CLPP: variants seen among roughly 807,000 people sequenced by gnomAD.
CLPP encodes the protein ATP-dependent Clp protease proteolytic subunit, mitochondrial.
Under a neutral mutation model 27.4 loss-of-function variants are expected in CLPP, and 14 were observed. That is an observed-to-expected ratio of 0.51 (90% confidence interval 0.34 to 0.80). The LOEUF (loss-of-function observed/expected upper bound fraction) is 0.80, where lower values mean the gene tolerates loss of function less well. Among genes scored for constraint, CLPP ranks in the 30% least tolerant of loss-of-function variants. The pLI is 0.02. For missense variants in CLPP, 361 were observed against 403.6 expected, an observed-to-expected ratio of 0.89 and a Z score of 0.90; for synonymous variants, 193 against 166.6, an observed-to-expected ratio of 1.16 and a Z score of -1.22.
rs552880716 is a variant in CLPP at position 6,369,795 on chromosome 19, C to CA, written c.*1097dup. On this transcript the variant is annotated 3_prime_UTR_variant, in exon 6 of 6. Coordinates refer to ENST00000245816, the MANE Select transcript of CLPP (RefSeq NM_006012.4). ...GGGCAACAAAGCGAGATTCTGTCTC[C>CA]AAAAAAAAAAAAGTGGAGGTGATTG... 0.046 allele frequency among the ~76,000 whole-genome samples: 6,170 copies of CA among 134,778 alleles called. 140 individuals are homozygous for CA. The highest frequency in any genetic ancestry group is 0.068 in the Non-Finnish European group (4,230 of 61,866). 88.4% of individuals were successfully genotyped at this position (134,778 alleles called of 152,430 possible). A position where few individuals can be genotyped will look rare whatever the true frequency, so the allele number is the denominator to read the frequency against.
At chr19:6,366,450 C>A in intron 5 of CLPP, 87 bp downstream of exon 5, 4 of 1,021,082 alleles carry the variant, frequency 3.9e-6, no homozygotes, top group South Asian at 1.4e-5. Flanking sequence ...CTGGCCCCTG[C>A]GGACTTTCAG....
rs2091851877 is a variant in CLPP at position 6,364,481 on chromosome 19, T to C, written c.397T>C (p.Tyr133His). ...TGTGGTGACCGCGGGCCTGGCCATCTACGACACGATGCAGTACATCCTCAA... is the reference window on the plus strand; with the variant it reads ...TGTGGTGACCGCGGGCCTGGCCATCCACGACACGATGCAGTACATCCTCAA... ...GGVVTAGLAI[Y>H]DTMQYILNPI... Residue 133 changes from tyrosine (Y) to histidine (H), a missense_variant, in exon 4 of 6, where the codon TAC (tyrosine) becomes CAC (histidine). Around this residue, in one of 2 missense-constraint regions of CLPP, gnomAD observed 213 missense variants for 280.9 expected, o/e 0.76. Coordinates refer to ENST00000245816, the MANE Select transcript of CLPP (RefSeq NM_006012.4). 3.1e-6 allele frequency: 5 copies of C among 1,610,776 alleles called. No individual in the cohort carries two copies. Among genetic ancestry groups the C allele is most frequent in the Non-Finnish European group, 4.2e-6 (5 of 1,179,434 alleles).
intron 5 of CLPP, among the ~76,000 whole-genome samples, chr19:6,367,158 C>T (rs867292920): frequency 2.0e-5 from 3 of 151,848 alleles, no homozygotes; most frequent in South Asian, 2.1e-4. Flanking sequence ...GGGCGGATCA[C>T]GAGGTCAGGA....
Position 6,368,797 on chromosome 19 carries a change from G to A in CLPP, c.*87G>A, listed in dbSNP as rs996923467. On this transcript the variant is annotated 3_prime_UTR_variant, in exon 6 of 6. Coordinates refer to ENST00000245816, the MANE Select transcript of CLPP (RefSeq NM_006012.4). ...GGCCCTGCTCACCCCTTGTTGCTGG[G>A]CTTGGAGGGGCCTCTTGAGGAACTT... is the stretch of plus-strand genomic sequence containing the variant. The A allele has an allele frequency of 5.5e-5, 71 of 1,281,648 alleles. No individual in the cohort carries two copies. The highest frequency in any genetic ancestry group is 7.0e-5 in the Non-Finnish European group (66 of 940,668). The allele number at this position is 1,281,648 out of a possible 1,614,324, so 79.4% of individuals were successfully genotyped here.
rs117433016 is a variant in CLPP at position 6,368,910 on chromosome 19, G to A, written c.*200G>A. The stretch of plus-strand genomic sequence containing the variant: ...TAAATCTTTGTGGTCTTTGCTCTGC[G>A]TCTGGGACACCCTCCCTTCTGCACC... On this transcript the variant is annotated 3_prime_UTR_variant, in exon 6 of 6. Transcript: ENST00000245816. 90 of 592,036 alleles carry A rather than the reference G, an allele frequency of 1.5e-4. 1 individual carries two copies. Among genetic ancestry groups the A allele is most frequent in the East Asian group, 4.0e-4 (14 of 35,356 alleles). 36.7% of individuals were successfully genotyped at this position (592,036 alleles called of 1,614,324 possible). A position where few individuals can be genotyped will look rare whatever the true frequency, so the allele number is the denominator to read the frequency against.
At position 6,369,431 on chromosome 19, in the gene CLPP, A is replaced by G. The variant is rs1332667403; in HGVS notation, c.*721A>G. ...CTCTGTCTCAAAAAAAAAAAAAAACAAAAACAGGAAAGGTGGCATGCAAGT... is the reference window on the plus strand; with the variant it reads ...CTCTGTCTCAAAAAAAAAAAAAAACGAAAACAGGAAAGGTGGCATGCAAGT... On this transcript the variant is annotated 3_prime_UTR_variant, in exon 6 of 6. Coordinates refer to ENST00000245816, the MANE Select transcript of CLPP (RefSeq NM_006012.4). Among the ~76,000 whole-genome samples the G allele has an allele frequency of 3.4e-5, 5 of 149,054 alleles. No individual in the cohort carries two copies. The highest frequency in any genetic ancestry group is 5.0e-5 in the African/African-American group (2 of 39,688).
chr19:6,366,233 CCTCA>C (rs749673900), intron 4 of CLPP, 21 bp from the exon 5 acceptor site: 1 of 1,544,306 alleles, frequency 6.5e-7, no homozygotes, highest in South Asian at 1.1e-5. Flanking sequence ...ACCTTTACCC[CCTCA>C]CTCCCTTGGA....
Position 6,362,402 on chromosome 19 carries a change from C to A in CLPP, c.271-44C>A, listed in dbSNP as rs770720902. On this transcript the variant is annotated intron_variant, in intron 2 of 5. Transcript: ENST00000245816. Reference sequence around the variant, plus strand: ...TCCCCAGCCTCCCTTAAAACTCTCTCCCCACCCCGAATCTGGGGACACCCC... The same window carrying A: ...TCCCCAGCCTCCCTTAAAACTCTCTACCCACCCCGAATCTGGGGACACCCC... 1.3e-5 allele frequency: 19 copies of A among 1,413,354 alleles called. No homozygotes were observed. The East Asian group carries it at 4.3e-4, about 32-fold the overall frequency. The allele number at this position is 1,413,354 out of a possible 1,614,324, so 87.6% of individuals were successfully genotyped here.
chr19:6,369,271 A>ATGGC lies in CLPP; in HGVS notation c.*562_*563insGGCT, dbSNP rs2091876694. On this transcript the variant is annotated 3_prime_UTR_variant, in exon 6 of 6. Coordinates refer to ENST00000245816, the MANE Select transcript of CLPP (RefSeq NM_006012.4). ...CCCCATTTCTACTAAAAATACAAAA[A>ATGGC]TTAGCCGAGCGTGGTGCACCTGTAA... 6.6e-6 allele frequency among the ~76,000 whole-genome samples: 1 copy of ATGGC among 152,092 alleles called. No individual in the cohort carries two copies. The highest frequency in any genetic ancestry group is 6.6e-5 in the Admixed American group (1 of 15,246).
At position 6,368,876 on chromosome 19, in the gene CLPP, AT is replaced by A. The variant is rs1599197930; in HGVS notation, c.*170del. 1.6e-6 allele frequency: 1 copy of A among 624,690 alleles called. No homozygotes were observed. 38.7% of individuals were successfully genotyped at this position (624,690 alleles called of 1,614,324 possible). A position where few individuals can be genotyped will look rare whatever the true frequency, so the allele number is the denominator to read the frequency against. On this transcript the variant is annotated 3_prime_UTR_variant, in exon 6 of 6. Transcript: ENST00000245816. Reference sequence around the variant, plus strand: ...GGGGCATTCCAGCTGAGACACTGTGATTTTAAATTAAATCTTTGTGGTCTTT... The same window carrying A: ...GGGGCATTCCAGCTGAGACACTGTGATTTAAATTAAATCTTTGTGGTCTTT...
In CLPP at chr19:6,364,594, C is replaced by T. The variant is rs749641599; in HGVS notation, c.510C>T (p.Leu170=). ...GCACCCCAGGCATGCGCCACTCGCTCCCCAACTCCCGTATCATGATCCACC... is the reference window on the plus strand; with the variant it reads ...GCACCCCAGGCATGCGCCACTCGCTTCCCAACTCCCGTATCATGATCCACC... ...AAGTPGMRHS[L]PNSRIMIHQP... The change falls in exon 4 of 6, where the codon CTC becomes CTT. Residue 170 remains leucine (L), a synonymous_variant. Transcript: ENST00000245816. 2 of 1,612,612 alleles carry T rather than the reference C, an allele frequency of 1.2e-6. No homozygotes were observed. Among genetic ancestry groups the T allele is most frequent in the Non-Finnish European group, 1.7e-6 (2 of 1,179,864 alleles).
intron 4 of CLPP, 48 bp downstream of exon 4, chr19:6,364,687 A>G (rs1030974997): frequency 1.3e-6 from 2 of 1,539,510 alleles, no homozygotes; most frequent in Non-Finnish European, 1.8e-6. Flanking sequence ...GACAGGGTCT[A>G]GACAGAAGGA....
At chr19:6,366,970 G>A (rs1295681334) in intron 5 of CLPP, among the ~76,000 whole-genome samples, 1 of 151,888 alleles carries the variant, frequency 6.6e-6, no homozygotes, top group Non-Finnish European at 1.5e-5. Flanking sequence ...CAGGTGTGGT[G>A]GCTCACACCT....
At chr19:6,363,852 G>A (rs1253531907) in intron 3 of CLPP, among the ~76,000 whole-genome samples, 2 of 149,866 alleles carry the variant, frequency 1.3e-5, no homozygotes, top group African/African-American at 4.9e-5. Context: ...CTGAGATCGC[G>A]CTACTGCACT....
At position 6,364,502 on chromosome 19, in the gene CLPP, C is replaced by T; in HGVS notation, c.418C>T (p.Leu140Phe). The change falls in exon 4 of 6, where the codon CTC (leucine) becomes TTC (phenylalanine). Residue 140 changes from leucine (L) to phenylalanine (F), a missense_variant. Transcript: ENST00000245816. Reference protein sequence around the residue: ...LAIYDTMQYILNPICTWCVGQ... With the variant: ...LAIYDTMQYIFNPICTWCVGQ... ...CATCTACGACACGATGCAGTACATCCTCAACCCGATCTGCACCTGGTGCGT... is the reference window on the plus strand; with the variant it reads ...CATCTACGACACGATGCAGTACATCTTCAACCCGATCTGCACCTGGTGCGT... 5 of 1,611,964 alleles carry T rather than the reference C, an allele frequency of 3.1e-6. No homozygotes were observed. Among genetic ancestry groups the T allele is most frequent in the Non-Finnish European group, 4.2e-6 (5 of 1,179,646 alleles).
rs552166054 is a variant in CLPP at position 6,370,101 on chromosome 19, C to T, written c.*1391C>T. Among the ~76,000 whole-genome samples, 4 of 152,258 alleles carry T rather than the reference C, an allele frequency of 2.6e-5. No individual in the cohort carries two copies. Among genetic ancestry groups the T allele is most frequent in the Admixed American group, 6.5e-5 (1 of 15,292 alleles). ...CCAAAGCAGGAAGATGGAGACCTGT[C>T]GCCTGAGATGGGAAGTGTAGGCAAA... On this transcript the variant is annotated 3_prime_UTR_variant, in exon 6 of 6. Transcript: ENST00000245816.
chr19:6,361,673 G>A lies in CLPP; in HGVS notation c.99G>A (p.Pro33=). ...RLAAHFPAQR[P]PQRTLQNGLA... is the part of the protein sequence containing the mutation. ...CCGCTCACTTTCCAGCGCAGCGGCC[G>A]CCGCAGCGGACACTCCAGAACGGCC... Residue 33 remains proline (P), a synonymous_variant, in exon 1 of 6, where the codon CCG becomes CCA. Transcript: ENST00000245816. The A allele has an allele frequency of 1.4e-6, 2 of 1,432,944 alleles. No individual in the cohort carries two copies. The highest frequency in any genetic ancestry group is 9.1e-7 in the Non-Finnish European group (1 of 1,094,702). The allele number at this position is 1,432,944 out of a possible 1,614,324, so 88.8% of individuals were successfully genotyped here. A position where few individuals can be genotyped will look rare whatever the true frequency, so the allele number is the denominator to read the frequency against.
intron 4 of CLPP, 35 bp downstream of exon 4, chr19:6,364,674 C>T (rs753453770): frequency 4.4e-6 from 7 of 1,589,278 alleles, no homozygotes; most frequent in Non-Finnish European, 4.3e-6. Flanking sequence ...TGTTGGGAAT[C>T]AGGACAGGGT....
At chr19:6,362,013 C>T (rs1216898491) in intron 2 of CLPP, 73 bp downstream of exon 2, 4 of 1,401,824 alleles carry the variant, frequency 2.9e-6, no homozygotes, top group East Asian at 2.4e-5. Flanking sequence ...GCCCCTCCTT[C>T]CCTGGCCCCA....
Sources: gnomAD v4.1 joint callset for allele counts (sites outside exome capture counted in the v4.1 genomes callset) on GRCh38, gnomAD v4.1.1 for gene constraint, gnomAD v4.1.1 regional missense constraint, MANE v1.5 for transcripts, NCBI Gene and HGNC (gene_info 2026-07-23, HGNC 2026-07-21) for gene names.